The following SMYD3 variants were observed in gnomAD, a reference collection of about 807,000 sequenced individuals.
The protein encoded by SMYD3 is histone-lysine N-methyltransferase SMYD3.
Under a neutral mutation model 57.7 loss-of-function variants are expected in SMYD3, and 36 were observed. The ratio of observed to expected loss-of-function variants is 0.62; its 90% confidence interval spans 0.48 to 0.82. The LOEUF (loss-of-function observed/expected upper bound fraction) is 0.82, where lower values mean the gene tolerates loss of function less well. Ranked by LOEUF, SMYD3 falls within the 40% of genes least tolerant of loss-of-function variation. The pLI is 0.00. For missense variants in SMYD3, 515 were observed against 538.8 expected, an observed-to-expected ratio of 0.96 and a Z score of 0.44; for synonymous variants, 211 against 195.0, an observed-to-expected ratio of 1.08 and a Z score of -0.68.
chr1:245,841,013 C>T (rs1025607622), intron 10 of SMYD3, among the ~76,000 whole-genome samples: 1 of 152,184 alleles, frequency 6.6e-6, no homozygotes, highest in Admixed American at 6.5e-5. Context: ...AGTTACTTAA[C>T]TTTGGGAGAT....
chr1:246,489,826 T>C (rs557763510), intron 1 of SMYD3, among the ~76,000 whole-genome samples: 9 of 152,240 alleles, frequency 5.9e-5, no homozygotes, highest in Non-Finnish European at 1.2e-4. Flanking sequence ...ATTTGCATTA[T>C]TTGAGCTTGA....
chr1:246,459,984 C>A (rs1312972598), intron 1 of SMYD3, among the ~76,000 whole-genome samples: 2 of 147,178 alleles, frequency 1.4e-5, no homozygotes, highest in African/African-American at 5.0e-5. Context: ...AGATAACACA[C>A]TTAGGCTCTT....
At chr1:246,402,365 A>G (rs1271206391) in intron 1 of SMYD3, among the ~76,000 whole-genome samples, 1 of 65,780 alleles carries the variant, frequency 1.5e-5, no homozygotes, top group African/African-American at 3.5e-5. Flanking sequence ...AGCTAAAATG[A>G]TTAACAACGC....
intron 5 of SMYD3, among the ~76,000 whole-genome samples, chr1:246,232,279 A>AC (rs1553315883): frequency 1.3e-5 from 2 of 152,202 alleles, no homozygotes; most frequent in Non-Finnish European, 1.5e-5. Flanking sequence ...ACTACATAAT[A>AC]CTGTAACCAC....
At chr1:245,890,306 G>C (rs2053309925) in intron 8 of SMYD3, among the ~76,000 whole-genome samples, 1 of 152,020 alleles carries the variant, frequency 6.6e-6, no homozygotes, top group Non-Finnish European at 1.5e-5. Context: ...CCACAGAATG[G>C]GTGAAAATAT....
chr1:246,414,995 G>A (rs1415945085), intron 1 of SMYD3, among the ~76,000 whole-genome samples: 2 of 152,132 alleles, frequency 1.3e-5, no homozygotes, highest in Non-Finnish European at 2.9e-5. Flanking sequence ...GGGATTACAG[G>A]TGTGAGCCAC....
chr1:245,959,111 T>C (rs1246276752), intron 5 of SMYD3, among the ~76,000 whole-genome samples: 2 of 151,626 alleles, frequency 1.3e-5, no homozygotes, highest in Admixed American at 6.6e-5. Context: ...TAAGGAGAGA[T>C]GGAGTTTCTC....
chr1:246,468,912 G>A (rs1407826267), intron 1 of SMYD3, among the ~76,000 whole-genome samples: 1 of 152,134 alleles, frequency 6.6e-6, no homozygotes, highest in East Asian at 1.9e-4. Flanking sequence ...GGAGTTGGAG[G>A]CTACAGTGAA....
At position 245,828,999 on chromosome 1, in the gene SMYD3, G is replaced by A. The variant is rs1558396117; in HGVS notation, c.1076+29497C>T. On this transcript the variant is annotated intron_variant, in intron 10 of 11. Transcript: ENST00000490107. ...GTTAGAGGCATGAGCCACCACGCCC[G>A]GCCAGTTTTTCTGATTCTACTTACT... 2.6e-5 allele frequency among the ~76,000 whole-genome samples: 4 copies of A among 151,492 alleles called. No homozygotes were observed. In the South Asian group the frequency reaches 8.4e-4, roughly 32 times the overall value.
chr1:245,880,228 T>C (rs1452658157), intron 8 of SMYD3, among the ~76,000 whole-genome samples: 1 of 152,244 alleles, frequency 6.6e-6, no homozygotes, highest in Non-Finnish European at 1.5e-5. Flanking sequence ...TTTAATTCCA[T>C]GGAGATTATA....
chr1:246,045,245 T>C (rs1036582364), intron 5 of SMYD3, among the ~76,000 whole-genome samples: 25 of 152,140 alleles, frequency 1.6e-4, no homozygotes, highest in Admixed American at 5.2e-4. Context: ...TATAAGGCTA[T>C]AGTAAACAAA....
chr1:246,261,224 A>G (rs2064005155), intron 5 of SMYD3, among the ~76,000 whole-genome samples: 1 of 151,608 alleles, frequency 6.6e-6, no homozygotes, highest in Admixed American at 6.6e-5. Context: ...ACGCCTGGCT[A>G]ATTTTTTGTA....
At position 246,507,228 on chromosome 1, in the gene SMYD3, C is replaced by T; in HGVS notation, c.-11G>A. On this transcript the variant is annotated 5_prime_UTR_variant, in exon 1 of 12. Transcript: ENST00000490107. ...CTTCAGCGGCTCCATCCTCCCGCAGCTCCGGCACCTCAGACGGCTACCCGC... is the reference window on the plus strand; with the variant it reads ...CTTCAGCGGCTCCATCCTCCCGCAGTTCCGGCACCTCAGACGGCTACCCGC... 1 of 1,511,462 alleles carries T rather than the reference C, an allele frequency of 6.6e-7. No individual in the cohort carries two copies. Among genetic ancestry groups the T allele is most frequent in the Non-Finnish European group, 8.9e-7 (1 of 1,127,214 alleles). The allele number at this position is 1,511,462 out of a possible 1,614,324, so 93.6% of individuals were successfully genotyped here.
chr1:246,196,134 T>C (rs886990207), intron 5 of SMYD3, among the ~76,000 whole-genome samples: 2 of 152,194 alleles, frequency 1.3e-5, no homozygotes, highest in African/African-American at 4.8e-5. Flanking sequence ...TTTAAAGATT[T>C]TTGGCAGTTC....
intron 5 of SMYD3, among the ~76,000 whole-genome samples, chr1:246,103,454 A>C (rs7530740): frequency 0.037 from 5,618 of 151,814 alleles, 225 homozygotes; most frequent in East Asian, 0.15. Flanking sequence ...AAAAAAAAAA[A>C]AGCTCGTGCT....
intron 5 of SMYD3, among the ~76,000 whole-genome samples, chr1:246,143,154 CACACACACACAA>C (rs1326953729): frequency 1.3e-5 from 2 of 150,902 alleles, no homozygotes; most frequent in South Asian, 2.1e-4. Context: ...CACACACACA[CACACACACACAA>C]ACATGCATCC....
chr1:246,180,038 T>G (rs1214157396), intron 5 of SMYD3, among the ~76,000 whole-genome samples: 1 of 151,922 alleles, frequency 6.6e-6, no homozygotes, highest in East Asian at 1.9e-4. Context: ...CCAGGTGTGG[T>G]GGCTCATGCC....
At chr1:246,212,645 G>A (rs894501059) in intron 5 of SMYD3, among the ~76,000 whole-genome samples, 1 of 152,060 alleles carries the variant, frequency 6.6e-6, no homozygotes, top group Non-Finnish European at 1.5e-5. Flanking sequence ...TAACCGATCT[G>A]TTTTATTTCA....
At chr1:246,437,491 C>T (rs1271347197) in intron 1 of SMYD3, among the ~76,000 whole-genome samples, 1 of 152,146 alleles carries the variant, frequency 6.6e-6, no homozygotes, top group Non-Finnish European at 1.5e-5. Context: ...AGCCGATTGC[C>T]CTATAACCTC....
Sources: gnomAD v4.1 joint callset for allele counts (sites outside exome capture counted in the v4.1 genomes callset) on GRCh38, gnomAD v4.1.1 for gene constraint, MANE v1.5 for transcripts, NCBI Gene and HGNC (gene_info 2026-07-23, HGNC 2026-07-21) for gene names.